Variants in PALS1 observed in about 807,000 individuals in gnomAD.
PALS1 encodes protein associated with LIN7 1, MAGUK p55 family member.
PALS1 carries 31 observed loss-of-function variants against 78.9 expected under a neutral mutation model. The observed-to-expected ratio is 0.39, with a 90% CI of 0.30 to 0.53. PALS1 has a LOEUF of 0.53. Ranked by LOEUF, PALS1 falls within the 20% of genes least tolerant of loss-of-function variation. The pLI is 0.67. For missense variants in PALS1, 704 were observed against 826.5 expected (o/e 0.85, Z 1.82); for synonymous variants, 276 against 270.9 (o/e 1.02, Z -0.18).
chr14:67,284,009 G>A (rs1311244802), intron 3 of PALS1, among the ~76,000 whole-genome samples: 7 of 152,240 alleles, frequency 4.6e-5, no homozygotes, highest in African/African-American at 1.4e-4. Flanking sequence ...ACTAAATTGC[G>A]CTATTGACTT....
intron 4 of PALS1, among the ~76,000 whole-genome samples, chr14:67,299,668 G>T (rs904957723): frequency 6.6e-6 from 1 of 152,192 alleles, no homozygotes; most frequent in African/African-American, 2.4e-5. Flanking sequence ...AGTAGCTGAT[G>T]ATATGTGTTG....
rs527914423 is a variant in PALS1, at chr14:67,267,029, C to T, written c.-236-2672C>T. ...GGCTGAAGCGGGAAGATCACTTGAG[C>T]CTGGGGAGGCAGAGGTTCCAGTGAG... On this transcript the variant is annotated intron_variant, in intron 1 of 14. Coordinates refer to ENST00000261681, the MANE Select transcript of PALS1 (RefSeq NM_022474.4). Among the ~76,000 whole-genome samples the T allele has an allele frequency of 8.1e-4, 123 of 152,006 alleles. 1 individual carries two copies. The highest frequency in any genetic ancestry group is 2.5e-3 in the Admixed American group (38 of 15,280).
chr14:67,259,468 C>T (rs1027724129), intron 1 of PALS1, among the ~76,000 whole-genome samples: 14 of 151,874 alleles, frequency 9.2e-5, no homozygotes, highest in Admixed American at 3.9e-4. Flanking sequence ...AAAAATCAGC[C>T]GGGTGTAGTG....
chr14:67,322,863 C>G (rs562914129), intron 13 of PALS1, among the ~76,000 whole-genome samples: 4 of 152,296 alleles, frequency 2.6e-5, no homozygotes, highest in Admixed American at 2.0e-4. Flanking sequence ...TGAGCACACA[C>G]AGTCATGCAT....
chr14:67,260,574 G>C (rs1421758509), intron 1 of PALS1, among the ~76,000 whole-genome samples: 1 of 152,184 alleles, frequency 6.6e-6, no homozygotes, highest in Non-Finnish European at 1.5e-5. Flanking sequence ...GTAGAGGAGA[G>C]AGAGGGCAGG....
chr14:67,258,181 G>A (rs1030976611), intron 1 of PALS1, among the ~76,000 whole-genome samples: 3 of 152,004 alleles, frequency 2.0e-5, no homozygotes, highest in African/African-American at 7.2e-5. Flanking sequence ...ACTACCAGTA[G>A]ATGGGAAGTC....
At position 67,280,859 on chromosome 14, in the gene PALS1, C is replaced by T. The variant is rs1397528991; in HGVS notation, c.367+1322C>T. ...TCCTTCCTTCCTTCCTTCCTTCCCT[C>T]CCTCCCTCCCTCCCTCCCTCCCTTT... On this transcript the variant is annotated intron_variant, in intron 3 of 14. Transcript: ENST00000261681. Among the ~76,000 whole-genome samples the T allele has an allele frequency of 1.0e-4, 13 of 129,298 alleles. No homozygotes were observed. The East Asian group carries it at 2.1e-3, about 21-fold the overall frequency. The allele number at this position is 129,298 out of a possible 152,430, so 84.8% of individuals were successfully genotyped here.
intron 14 of PALS1, among the ~76,000 whole-genome samples, chr14:67,330,431 A>G (rs1389361101): frequency 6.7e-6 from 1 of 149,682 alleles, no homozygotes; most frequent in Non-Finnish European, 1.5e-5. Context: ...CCATTTTGTT[A>G]GAAGTATTTT....
chr14:67,278,358 A>C (rs1199874212), intron 2 of PALS1, among the ~76,000 whole-genome samples: 1 of 148,076 alleles, frequency 6.8e-6, no homozygotes, highest in South Asian at 2.1e-4. Context: ...TTTTTTTTTA[A>C]TGGGACCAGT....
At chr14:67,250,009 G>A (rs553041872) in intron 1 of PALS1, among the ~76,000 whole-genome samples, 1 of 152,270 alleles carries the variant, frequency 6.6e-6, no homozygotes, top group South Asian at 2.1e-4. Flanking sequence ...TTTTTTCTGA[G>A]TTTCTATCAA....
chr14:67,310,835 A>G (rs918907276), intron 8 of PALS1, among the ~76,000 whole-genome samples: 5 of 149,572 alleles, frequency 3.3e-5, no homozygotes, highest in African/African-American at 7.6e-5. Context: ...TTATCTGTCT[A>G]TCTATCTATC....
intron 2 of PALS1, chr14:67,271,648 A>T (rs777181324): frequency 6.6e-6 from 1 of 152,260 alleles, no homozygotes; most frequent in Non-Finnish European, 1.5e-5. Flanking sequence ...TGTCTTGGGT[A>T]ACTGGATGGA....
intron 4 of PALS1, among the ~76,000 whole-genome samples, chr14:67,299,240 C>T (rs993729746): frequency 1.3e-5 from 2 of 152,084 alleles, no homozygotes; most frequent in Non-Finnish European, 2.9e-5. Flanking sequence ...CCATTTTAAT[C>T]GTCTTGAGTT....
intron 3 of PALS1, among the ~76,000 whole-genome samples, chr14:67,284,429 T>TAAAAAAAAAAAAAAAA (rs530863294): frequency 2.2e-5 from 2 of 92,678 alleles, no homozygotes; most frequent in Admixed American, 2.3e-4. Flanking sequence ...CCCTATCTCT[T>TAAAAAAAAAAAAAAAA]AAAAAAAAAA....
At chr14:67,302,670 A>G (rs1323896870) in intron 7 of PALS1, 99 bp downstream of exon 7, 1 of 947,610 alleles carries the variant, frequency 1.1e-6, no homozygotes, top group African/African-American at 1.7e-5. Flanking sequence ...AGAGCACTAG[A>G]TGATTTCTAG....
At chr14:67,296,585 C>CAAAAAAAA (rs374329692) in intron 4 of PALS1, among the ~76,000 whole-genome samples, 45 of 51,002 alleles carry the variant, frequency 8.8e-4, no homozygotes, top group African/African-American at 1.1e-3. Flanking sequence ...AACTCTGTCT[C>CAAAAAAAA]AAAAAAAAAA....
intron 4 of PALS1, among the ~76,000 whole-genome samples, chr14:67,300,336 CT>C (rs36091817): frequency 1.4e-4 from 20 of 138,988 alleles, no homozygotes; most frequent in Middle Eastern, 3.7e-3. Flanking sequence ...TATGAATTAC[CT>C]TTTTTTTTTT....
intron 14 of PALS1, among the ~76,000 whole-genome samples, chr14:67,325,979 C>CTTT (rs61592505): frequency 0.044 from 4,863 of 110,124 alleles, 333 homozygotes; most frequent in African/African-American, 0.14. Flanking sequence ...CGGCTCTTTT[C>CTTT]TTTTTTTTTT....
intron 1 of PALS1, among the ~76,000 whole-genome samples, chr14:67,261,717 C>A (rs2084240776): frequency 6.6e-6 from 1 of 151,996 alleles, no homozygotes; most frequent in Non-Finnish European, 1.5e-5. Context: ...AAAATTCACA[C>A]ACATATCTAC....
Sources: allele counts gnomAD v4.1 joint callset (sites outside exome capture counted in the v4.1 genomes callset), GRCh38; gene constraint gnomAD v4.1.1; transcripts MANE v1.5; gene names NCBI Gene and HGNC (gene_info 2026-07-23, HGNC 2026-07-21).